PBRM1: variants seen among roughly 807,000 people sequenced by gnomAD.
PBRM1 encodes polybromo 1.
PBRM1 carries 27 observed loss-of-function variants against 194.5 expected under a neutral mutation model. The ratio of observed to expected loss-of-function variants is 0.14; its 90% CI spans 0.10 to 0.19. The LOEUF (loss-of-function observed/expected upper bound fraction) is 0.19. Among genes scored for constraint, PBRM1 ranks in the 10% least tolerant of loss-of-function variants. The probability of loss-of-function intolerance (pLI) is 1.00; values close to 1 mark genes in which losing one functional copy is unlikely to be tolerated. For missense variants in PBRM1, 1,466 were observed against 2,077.2 expected (o/e 0.71, Z 5.72); for synonymous variants, 655 against 693.2 (o/e 0.94, Z 0.87).
At chr3:52,611,457 G>A (rs1432564478) in intron 15 of PBRM1, among the ~76,000 whole-genome samples, 5 of 152,074 alleles carry the variant, frequency 3.3e-5, no homozygotes, top group Non-Finnish European at 5.9e-5. Context: ...TCAAGCCTCT[G>A]GCTCCAACTA....
intron 22 of PBRM1, among the ~76,000 whole-genome samples, chr3:52,566,745 T>A (rs2153556344): frequency 6.6e-6 from 1 of 152,310 alleles, no homozygotes; most frequent in South Asian, 2.1e-4. Flanking sequence ...GTGATAGCTG[T>A]ACGGTATTGT....
rs549475825 is a variant in PBRM1 at position 52,660,090 on chromosome 3, C to A, written c.529-1775G>T. On this transcript the variant is annotated intron_variant, in intron 4 of 29. Coordinates refer to ENST00000296302, the Ensembl canonical transcript of PBRM1. ...TGGGCCAAAGAGCAAGACACTGTCT[C>A]AAAAAAACAAAATTTGAAAGAGGCT... 1.7e-3 allele frequency among the ~76,000 whole-genome samples: 253 copies of A among 152,020 alleles called. 1 individual carries two copies. The highest frequency in any genetic ancestry group is 1.4e-3 in the Non-Finnish European group (98 of 67,946).
chr3:52,607,361 T>C (rs552160513), intron 16 of PBRM1, among the ~76,000 whole-genome samples: 2 of 152,290 alleles, frequency 1.3e-5, no homozygotes, highest in South Asian at 4.1e-4. Flanking sequence ...TAAAACTGTG[T>C]GCATCACTAT....
chr3:52,659,628 G>A (rs1028477013), intron 4 of PBRM1, among the ~76,000 whole-genome samples: 6 of 152,100 alleles, frequency 3.9e-5, no homozygotes, highest in Non-Finnish European at 7.4e-5. Flanking sequence ...TCACTACATT[G>A]CCCAGGCTGG....
At chr3:52,598,068 A>G (rs1433699531) in intron 17 of PBRM1, among the ~76,000 whole-genome samples, 1 of 152,180 alleles carries the variant, frequency 6.6e-6, no homozygotes, top group Admixed American at 6.5e-5. Flanking sequence ...TCAACTTTGT[A>G]TTCTAATATT....
At chr3:52,547,283 T>A (rs2079800298), downstream of PBRM1, 1 of 232,974 alleles carries the variant, frequency 4.3e-6, no homozygotes, top group Admixed American at 5.6e-5. Context: ...GTGCACGTGT[T>A]CTGCAAAAAT....
intron 10 of PBRM1, among the ~76,000 whole-genome samples, chr3:52,638,389 C>T (rs2095911743): frequency 2.0e-5 from 3 of 148,840 alleles, no homozygotes; most frequent in Non-Finnish European, 4.4e-5. Context: ...GACGGAGTCT[C>T]GCTCTGTCAC....
chr3:52,647,703 C>T (rs533195164), intron 7 of PBRM1, among the ~76,000 whole-genome samples: 9 of 151,688 alleles, frequency 5.9e-5, no homozygotes, highest in South Asian at 2.1e-4. Context: ...GAAAACATTA[C>T]GCTAACTGAA....
At chr3:52,626,052 A>G (rs1467548801) in intron 13 of PBRM1, among the ~76,000 whole-genome samples, 1 of 152,186 alleles carries the variant, frequency 6.6e-6, no homozygotes. Context: ...TTTTGCCTCC[A>G]TTACCTTCTT....
chr3:52,607,679 A>G (rs895535798), intron 16 of PBRM1, among the ~76,000 whole-genome samples: 1 of 152,198 alleles, frequency 6.6e-6, no homozygotes, highest in African/African-American at 2.4e-5. Context: ...AGCTACATGA[A>G]AGCAGAGTTT....
In PBRM1 at chr3:52,550,408, GA is replaced by G; in HGVS notation, c.4897+12del. 7.4e-7 allele frequency: 1 copy of G among 1,342,538 alleles called. No individual in the cohort carries two copies. Among genetic ancestry groups the G allele is most frequent in the Non-Finnish European group, 9.7e-7 (1 of 1,026,550 alleles). The allele number at this position is 1,342,538 out of a possible 1,614,324, so 83.2% of individuals were successfully genotyped here. On this transcript the variant is annotated intron_variant, in intron 29 of 29. Transcript: ENST00000296302. The stretch of plus-strand genomic sequence containing the variant: ...CATGTATTTCACAAAGGCTTATTTA[GA>G]AGGAATCTTACCTGCCAGTGTCTGA...
At chr3:52,641,384 T>C (rs1403419724) in intron 10 of PBRM1, among the ~76,000 whole-genome samples, 4 of 147,058 alleles carry the variant, frequency 2.7e-5, no homozygotes, top group African/African-American at 7.5e-5. Flanking sequence ...CAGGCGGACG[T>C]TGCAGTGAGC....
chr3:52,601,762 T>C (rs1479600156), intron 17 of PBRM1, among the ~76,000 whole-genome samples: 3 of 152,212 alleles, frequency 2.0e-5, no homozygotes, highest in East Asian at 3.9e-4. Context: ...GTGCCAGGAA[T>C]GGCAGCAGTG....
chr3:52,594,040 C>T (rs2577831), intron 17 of PBRM1, among the ~76,000 whole-genome samples: 2 of 151,904 alleles, frequency 1.3e-5, no homozygotes, highest in South Asian at 2.1e-4. Context: ...AAAGTCTCCC[C>T]GTATTGTGTG....
chr3:52,629,295 A>T (rs2095542133), intron 11 of PBRM1, among the ~76,000 whole-genome samples: 1 of 152,234 alleles, frequency 6.6e-6, no homozygotes, highest in African/African-American at 2.4e-5. Context: ...CCTAGTAAAG[A>T]CCTAGCAAAG....
chr3:52,600,180 G>C (rs1415474748), intron 17 of PBRM1, among the ~76,000 whole-genome samples: 1 of 152,078 alleles, frequency 6.6e-6, no homozygotes, highest in Admixed American at 6.6e-5. Flanking sequence ...TCTATTTGGG[G>C]ATCTTTGACT....
chr3:52,684,167 C>CAAAA (rs66702174), upstream of PBRM1, among the ~76,000 whole-genome samples: 5 of 75,708 alleles, frequency 6.6e-5, no homozygotes, highest in African/African-American at 5.6e-5. Flanking sequence ...GACCTTGTCT[C>CAAAA]AAAAAAAAAA....
intron 4 of PBRM1, among the ~76,000 whole-genome samples, chr3:52,660,501 A>T (rs1380273712): frequency 2.0e-5 from 3 of 151,174 alleles, no homozygotes; most frequent in African/African-American, 7.3e-5. Flanking sequence ...TTTTGTGTAT[A>T]TCTATCTATC....
chr3:52,590,070 C>T (rs980236282), intron 17 of PBRM1, among the ~76,000 whole-genome samples: 2 of 152,072 alleles, frequency 1.3e-5, no homozygotes, highest in Non-Finnish European at 2.9e-5. Context: ...TGAGATCCGC[C>T]TGCCTCAGCC....
Sources: allele counts gnomAD v4.1 joint callset (sites outside exome capture counted in the v4.1 genomes callset), GRCh38; gene constraint gnomAD v4.1.1; transcripts MANE v1.5; gene names NCBI Gene and HGNC (gene_info 2026-07-23, HGNC 2026-07-21).